The following GRM8 variants were observed in gnomAD, a reference collection of about 807,000 sequenced individuals.
GRM8 encodes the protein metabotropic glutamate receptor 8.
Under a neutral mutation model 87.2 loss-of-function variants are expected in GRM8, and 47 were observed. The observed-to-expected ratio is 0.54, with a 90% CI of 0.43 to 0.69. The LOEUF is 0.69. Ranked by LOEUF, GRM8 falls within the 30% of genes least tolerant of loss-of-function variation. GRM8 has a pLI of 0.00. For synonymous variants in GRM8, 396 were observed against 404.5 expected (o/e 0.98, Z 0.25); for missense variants, 1,019 against 1,139.2 (o/e 0.89, Z 1.52).
intron 9 of GRM8, among the ~76,000 whole-genome samples, chr7:126,532,629 G>T (rs1430301399): frequency 6.6e-6 from 1 of 151,742 alleles, no homozygotes; most frequent in African/African-American, 2.4e-5. Flanking sequence ...TAGCAGAGCT[G>T]GGAAGGGAGA....
intron 2 of GRM8, among the ~76,000 whole-genome samples, chr7:127,188,961 A>C (rs1794880817): frequency 6.6e-6 from 1 of 152,138 alleles, no homozygotes; most frequent in Non-Finnish European, 1.5e-5. Flanking sequence ...AGGAACTTTT[A>C]TTTTCTCATG....
At chr7:126,618,975 A>T (rs1226980107) in intron 7 of GRM8, among the ~76,000 whole-genome samples, 9 of 152,184 alleles carry the variant, frequency 5.9e-5, no homozygotes, top group Non-Finnish European at 1.3e-4. Context: ...GTGATTCCTC[A>T]AGGATCTAGA....
intron 3 of GRM8, among the ~76,000 whole-genome samples, chr7:126,931,580 G>C (rs1017991822): frequency 4.3e-4 from 65 of 151,970 alleles, no homozygotes; most frequent in Non-Finnish European, 9.1e-4. Context: ...TTCATGTTTT[G>C]GAAAATACTA....
At chr7:126,478,045 A>G (rs1806204437) in intron 9 of GRM8, among the ~76,000 whole-genome samples, 1 of 152,060 alleles carries the variant, frequency 6.6e-6, no homozygotes, top group African/African-American at 2.4e-5. Context: ...CTGTCATTGG[A>G]TTCAAGTCCC....
intron 9 of GRM8, among the ~76,000 whole-genome samples, chr7:126,495,821 A>G (rs1406995269): frequency 6.6e-6 from 1 of 151,968 alleles, no homozygotes; most frequent in Non-Finnish European, 1.5e-5. Context: ...ATATGCATAA[A>G]TGTGTGTGTG....
At chr7:126,499,175 T>C (rs770463112) in intron 9 of GRM8, among the ~76,000 whole-genome samples, 3 of 151,962 alleles carry the variant, frequency 2.0e-5, no homozygotes, top group African/African-American at 4.8e-5. Context: ...TTTGTGGTGC[T>C]GGGGGAAGAG....
chr7:126,905,523 CA>C (rs1448749935), intron 3 of GRM8, among the ~76,000 whole-genome samples: 2 of 152,112 alleles, frequency 1.3e-5, no homozygotes, highest in African/African-American at 4.8e-5. Flanking sequence ...ATGGTATAAA[CA>C]GTATTTTTTT....
At chr7:126,595,482 G>T (rs1169422436) in intron 8 of GRM8, among the ~76,000 whole-genome samples, 1 of 150,720 alleles carries the variant, frequency 6.6e-6, no homozygotes, top group Non-Finnish European at 1.5e-5. Flanking sequence ...GCCCGGGCTG[G>T]TCTCAAACTC....
In GRM8 at chr7:127,164,762, A is replaced by G. The variant is rs370431708; in HGVS notation, c.511-58050T>C. Among the ~76,000 whole-genome samples the G allele has an allele frequency of 1.2e-3, 184 of 151,882 alleles. 1 individual carries two copies. The highest frequency in any genetic ancestry group is 4.2e-3 in the African/African-American group (174 of 41,426). Reference sequence around the variant, plus strand: ...CTCATCTCAAAATTTAGCTTGTTTCACCTCTCCTTTAAAGTCTGTCTTAAC... The same window carrying G: ...CTCATCTCAAAATTTAGCTTGTTTCGCCTCTCCTTTAAAGTCTGTCTTAAC... On this transcript the variant is annotated intron_variant, in intron 2 of 10. Coordinates refer to ENST00000339582, the MANE Select transcript of GRM8 (RefSeq NM_000845.3).
intron 2 of GRM8, among the ~76,000 whole-genome samples, chr7:127,186,134 G>A (rs1217840181): frequency 2.0e-5 from 3 of 152,028 alleles, no homozygotes; most frequent in Admixed American, 6.6e-5. Context: ...TATAAACCAC[G>A]GCTAAAGAGA....
At chr7:127,207,133 T>C (rs575800372) in intron 2 of GRM8, among the ~76,000 whole-genome samples, 2 of 152,354 alleles carry the variant, frequency 1.3e-5, no homozygotes, top group East Asian at 3.9e-4. Flanking sequence ...GGGAGATATA[T>C]GGTTAACTGC....
chr7:127,150,268 C>T (rs1381852183), intron 2 of GRM8, among the ~76,000 whole-genome samples: 2 of 152,008 alleles, frequency 1.3e-5, no homozygotes, highest in African/African-American at 4.8e-5. Flanking sequence ...AAAACAATTG[C>T]TAATGAATTG....
intron 3 of GRM8, among the ~76,000 whole-genome samples, chr7:127,019,085 A>G (rs898264721): frequency 4.6e-5 from 7 of 152,084 alleles, no homozygotes; most frequent in Middle Eastern, 3.2e-3. Context: ...GGGATGACAT[A>G]TACAGAAACA....
intron 7 of GRM8, among the ~76,000 whole-genome samples, chr7:126,647,623 G>T (rs1803306370): frequency 6.6e-6 from 1 of 151,990 alleles, no homozygotes; most frequent in South Asian, 2.1e-4. Context: ...TTGCCTCTTA[G>T]CATATGGAAA....
chr7:127,020,619 G>T (rs1468012052), intron 3 of GRM8, among the ~76,000 whole-genome samples: 1 of 152,036 alleles, frequency 6.6e-6, no homozygotes, highest in Non-Finnish European at 1.5e-5. Context: ...ATATTTTCCT[G>T]CAGGAACTAG....
intron 3 of GRM8, among the ~76,000 whole-genome samples, chr7:127,100,472 A>T (rs1825130257): frequency 6.6e-6 from 1 of 152,204 alleles, no homozygotes; most frequent in East Asian, 1.9e-4. Context: ...CTAGGCCATT[A>T]TTCCCACACT....
intron 3 of GRM8, among the ~76,000 whole-genome samples, chr7:126,971,655 A>G (rs1295015450): frequency 1.3e-5 from 2 of 152,184 alleles, no homozygotes; most frequent in East Asian, 1.9e-4. Flanking sequence ...CTATGAGTCC[A>G]TGAGGAGAAC....
intron 9 of GRM8, among the ~76,000 whole-genome samples, chr7:126,515,988 C>T (rs2150766869): frequency 6.6e-6 from 1 of 152,118 alleles, no homozygotes; most frequent in East Asian, 1.9e-4. Context: ...GAACACTGGT[C>T]TACTTTATAT....
chr7:127,222,019 T>C (rs879219462), intron 2 of GRM8, among the ~76,000 whole-genome samples: 13 of 152,186 alleles, frequency 8.5e-5, no homozygotes, highest in Non-Finnish European at 1.0e-4. Flanking sequence ...TCTTCGGTGC[T>C]CCTTAGGGAG....
Sources: allele counts gnomAD v4.1 joint callset (sites outside exome capture counted in the v4.1 genomes callset), GRCh38; gene constraint gnomAD v4.1.1; transcripts MANE v1.5; gene names NCBI Gene and HGNC (gene_info 2026-07-23, HGNC 2026-07-21).